The following GPC6 variants were observed in gnomAD, a reference collection of about 807,000 sequenced individuals.
GPC6 encodes glypican 6, also known as glypican-6.
Under a neutral mutation model 55.2 loss-of-function variants are expected in GPC6, and 14 were observed. The ratio of observed to expected loss-of-function variants is 0.25; its 90% confidence interval spans 0.17 to 0.40. The LOEUF (loss-of-function observed/expected upper bound fraction) is 0.40. Among genes scored for constraint, GPC6 ranks in the 10% least tolerant of loss-of-function variants. GPC6 has a pLI of 1.00. For missense variants in GPC6, 641 were observed against 708.5 expected (o/e 0.90, Z 1.08); for synonymous variants, 278 against 259.6 (o/e 1.07, Z -0.68).
At chr13:94,180,715 G>C (rs1338024852) in intron 4 of GPC6, among the ~76,000 whole-genome samples, 1 of 152,144 alleles carries the variant, frequency 6.6e-6, no homozygotes, top group Non-Finnish European at 1.5e-5. Context: ...TACTGGAAAT[G>C]AAATTGATCA....
chr13:93,514,397 C>G (rs1003153712), intron 1 of GPC6, among the ~76,000 whole-genome samples: 1 of 152,082 alleles, frequency 6.6e-6, no homozygotes, highest in African/African-American at 2.4e-5. Context: ...GACTCACAAC[C>G]ACTCAATAAC....
intron 1 of GPC6, among the ~76,000 whole-genome samples, chr13:93,511,649 G>A (rs1470564351): frequency 6.6e-6 from 1 of 151,884 alleles, no homozygotes; most frequent in Admixed American, 6.6e-5. Context: ...GATTGCTTTG[G>A]CTATTTGGAG....
At chr13:94,098,981 G>A (rs1885757323) in intron 4 of GPC6, among the ~76,000 whole-genome samples, 1 of 152,104 alleles carries the variant, frequency 6.6e-6, no homozygotes, top group Non-Finnish European at 1.5e-5. Flanking sequence ...GCCGTTAGCA[G>A]TCTACATGAA....
At chr13:94,233,725 A>T (rs1301046028) in intron 4 of GPC6, among the ~76,000 whole-genome samples, 2 of 152,156 alleles carry the variant, frequency 1.3e-5, no homozygotes, top group Non-Finnish European at 2.9e-5. Flanking sequence ...TTTCTTAATA[A>T]TGACCCAAAG....
intron 4 of GPC6, among the ~76,000 whole-genome samples, chr13:94,074,681 G>A (rs1364707649): frequency 6.6e-6 from 1 of 152,184 alleles, no homozygotes; most frequent in African/African-American, 2.4e-5. Flanking sequence ...AACACCAGCT[G>A]CCTCCCTAAT....
At chr13:93,255,824 T>C (rs1316250315) in intron 1 of GPC6, among the ~76,000 whole-genome samples, 2 of 152,122 alleles carry the variant, frequency 1.3e-5, no homozygotes, top group Non-Finnish European at 2.9e-5. Context: ...AAATAGTAAA[T>C]ACAAATTTTC....
intron 8 of GPC6, among the ~76,000 whole-genome samples, chr13:94,399,636 A>C (rs1881044459): frequency 6.6e-6 from 1 of 152,212 alleles, no homozygotes; most frequent in South Asian, 2.1e-4. Flanking sequence ...GAAGACCTCA[A>C]GTCATTTCAG....
chr13:93,743,447 A>G (rs1417823151), intron 2 of GPC6, among the ~76,000 whole-genome samples: 2 of 152,218 alleles, frequency 1.3e-5, no homozygotes, highest in Admixed American at 6.5e-5. Context: ...GAAATGTATT[A>G]TCTTAAGGTA....
At chr13:93,975,060 G>A (rs1880455935) in intron 3 of GPC6, among the ~76,000 whole-genome samples, 1 of 152,086 alleles carries the variant, frequency 6.6e-6, no homozygotes, top group South Asian at 2.1e-4. Flanking sequence ...AGCATTGCCT[G>A]GGAATTGGTA....
chr13:94,051,213 C>A (rs1454908432), intron 4 of GPC6, among the ~76,000 whole-genome samples: 1 of 152,094 alleles, frequency 6.6e-6, no homozygotes, highest in Non-Finnish European at 1.5e-5. Flanking sequence ...ATTGTTGAAA[C>A]CTCCTTGCTT....
At chr13:94,393,026 T>G (rs1020936926) in intron 7 of GPC6, among the ~76,000 whole-genome samples, 2 of 152,188 alleles carry the variant, frequency 1.3e-5, no homozygotes, top group African/African-American at 4.8e-5. Context: ...TACCAACACT[T>G]GTTATTTTTT....
chr13:93,544,640 T>C (rs1322489770), intron 1 of GPC6, among the ~76,000 whole-genome samples: 1 of 152,230 alleles, frequency 6.6e-6, no homozygotes, highest in African/African-American at 2.4e-5. Context: ...AATACAAGGC[T>C]TTCATTCCTT....
At chr13:94,383,103 A>T (rs915372718) in intron 7 of GPC6, among the ~76,000 whole-genome samples, 7 of 152,168 alleles carry the variant, frequency 4.6e-5, no homozygotes, top group African/African-American at 1.4e-4. Flanking sequence ...AGTTTTCATC[A>T]TTCTGCTCTG....
At chr13:94,069,301 C>A (rs1396295236) in intron 4 of GPC6, among the ~76,000 whole-genome samples, 1 of 152,144 alleles carries the variant, frequency 6.6e-6, no homozygotes, top group Non-Finnish European at 1.5e-5. Flanking sequence ...CACAGGAGAC[C>A]AAGTCCCTAG....
chr13:93,496,232 C>T (rs544790129), intron 1 of GPC6, among the ~76,000 whole-genome samples: 5 of 152,198 alleles, frequency 3.3e-5, no homozygotes, highest in African/African-American at 1.2e-4. Flanking sequence ...CGTGGTGCGC[C>T]GTTTTTTAAG....
intron 3 of GPC6, among the ~76,000 whole-genome samples, chr13:94,015,738 T>G (rs1324597318): frequency 6.6e-6 from 1 of 152,184 alleles, no homozygotes; most frequent in Non-Finnish European, 1.5e-5. Flanking sequence ...TGACTCATAT[T>G]GAGTTGGTGA....
intron 2 of GPC6, among the ~76,000 whole-genome samples, chr13:93,652,161 C>T (rs550180720): frequency 1.2e-4 from 18 of 152,232 alleles, no homozygotes; most frequent in African/African-American, 4.3e-4. Context: ...TACATTTTGC[C>T]TCTTCCTGTT....
intron 4 of GPC6, among the ~76,000 whole-genome samples, chr13:94,182,139 A>G (rs1479536179): frequency 6.6e-6 from 1 of 152,224 alleles, no homozygotes; most frequent in Non-Finnish European, 1.5e-5. Context: ...CCTTAGGCCA[A>G]AAATAACCAG....
At chr13:93,657,006 G>C (rs1880702204) in intron 2 of GPC6, among the ~76,000 whole-genome samples, 1 of 151,912 alleles carries the variant, frequency 6.6e-6, no homozygotes, top group South Asian at 2.1e-4. Flanking sequence ...GAATCAATAT[G>C]GTTAAAATGT....
Sources: gnomAD v4.1 joint callset for allele counts (sites outside exome capture counted in the v4.1 genomes callset) on GRCh38, gnomAD v4.1.1 for gene constraint, MANE v1.5 for transcripts, NCBI Gene and HGNC (gene_info 2026-07-23, HGNC 2026-07-21) for gene names.